The following HDAC9 variants were observed in gnomAD, a reference collection of about 807,000 sequenced individuals.
The protein encoded by HDAC9 is MEF-2 interacting transcription repressor (MITR) protein.
A neutral mutation model predicts 139.4 loss-of-function variants in HDAC9; 41 were observed. The ratio of observed to expected loss-of-function variants is 0.29; its 90% CI spans 0.23 to 0.38. The LOEUF is 0.38. Ranked by LOEUF, HDAC9 falls within the 10% of genes least tolerant of loss-of-function variation. The probability of loss-of-function intolerance (pLI) is 1.00; values close to 1 mark genes in which losing one functional copy is unlikely to be tolerated. For missense variants in HDAC9, 1,147 were observed against 1,297.0 expected (o/e 0.88, Z 1.78); for synonymous variants, 517 against 476.2 (o/e 1.09, Z -1.12).
intron 12 of HDAC9, among the ~76,000 whole-genome samples, chr7:18,725,353 A>T (rs1201653903): frequency 1.3e-5 from 2 of 152,194 alleles, no homozygotes; most frequent in Non-Finnish European, 2.9e-5. Flanking sequence ...TCTGATATTC[A>T]GTAGATAGTA....
intron 1 of HDAC9, among the ~76,000 whole-genome samples, chr7:18,142,360 C>A (rs928236143): frequency 2.0e-5 from 3 of 152,156 alleles, no homozygotes; most frequent in African/African-American, 7.2e-5. Flanking sequence ...CCTCACTTCT[C>A]CTGCTCATCC....
chr7:18,980,716 T>TCTTCTTCTTC (rs1463666104), intron 25 of HDAC9, among the ~76,000 whole-genome samples: 6 of 75,166 alleles, frequency 8.0e-5, no homozygotes, highest in East Asian at 3.9e-4. Context: ...TCCTTCTTCC[T>TCTTCTTCTTC]CTTCTTCTTC....
At position 18,339,255 on chromosome 7, in the gene HDAC9, A is replaced by G. The variant is rs184104450; in HGVS notation, c.-42+48740A>G. On this transcript the variant is annotated intron_variant, in intron 1 of 3. Coordinates refer to the HDAC9 transcript ENST00000413509. ...TTTCTCTATTGTTTTTCTACTTTCT[A>G]TTTTACTGATTTCCACTCTGATCTT... Among the ~76,000 whole-genome samples, 16 of 150,588 alleles carry G rather than the reference A, an allele frequency of 1.1e-4. No individual in the cohort carries two copies. The East Asian group carries it at 2.9e-3, about 28-fold the overall frequency.
intron 25 of HDAC9, among the ~76,000 whole-genome samples, chr7:18,977,594 A>G (rs1180410866): frequency 6.6e-6 from 1 of 152,150 alleles, no homozygotes; most frequent in African/African-American, 2.4e-5. Context: ...ATGGTAGTCT[A>G]TAGAGATTTA....
intron 12 of HDAC9, among the ~76,000 whole-genome samples, chr7:18,717,056 C>G (rs1784755779): frequency 7.0e-6 from 1 of 143,614 alleles, no homozygotes; most frequent in African/African-American, 2.6e-5. Flanking sequence ...GGCAAAAACT[C>G]CTGTTTAAAA....
Position 18,257,434 on chromosome 7 carries a change from CACAA to C in HDAC9, c.25+95087_25+95090del, listed in dbSNP as rs374784072. ...ACACACACACACACACACACACACA[CACAA>C]AAAGAAAAAAAGAAAAAGTAGCATA... is the stretch of plus-strand genomic sequence containing the variant. On this transcript the variant is annotated intron_variant, in intron 2 of 12. Coordinates refer to the HDAC9 transcript ENST00000417496. Among the ~76,000 whole-genome samples the C allele has an allele frequency of 3.3e-3, 493 of 148,222 alleles. 5 individuals are homozygous for C. The highest frequency in any genetic ancestry group is 0.024 in the East Asian group (116 of 4,926).
chr7:18,656,013 TG>T (rs1791009981), intron 11 of HDAC9, among the ~76,000 whole-genome samples: 1 of 151,950 alleles, frequency 6.6e-6, no homozygotes, highest in African/African-American at 2.4e-5. Context: ...TTAAGTGATT[TG>T]TAGACATGAA....
intron 1 of HDAC9, among the ~76,000 whole-genome samples, chr7:18,310,995 T>C (rs1255815873): frequency 6.6e-6 from 1 of 152,148 alleles, no homozygotes; most frequent in African/African-American, 2.4e-5. Context: ...TTTAATATCA[T>C]TAATTAAATT....
intron 1 of HDAC9, among the ~76,000 whole-genome samples, chr7:18,376,480 G>A (rs1785002588): frequency 6.6e-6 from 1 of 152,088 alleles, no homozygotes; most frequent in Admixed American, 6.6e-5. Flanking sequence ...AGGACTTCTG[G>A]CACTCTAAGT....
chr7:18,863,064 G>T (rs1445958652), intron 21 of HDAC9, among the ~76,000 whole-genome samples: 1 of 152,144 alleles, frequency 6.6e-6, no homozygotes, highest in Non-Finnish European at 1.5e-5. Flanking sequence ...GAACCAGCTG[G>T]ACAAGAGAGG....
intron 1 of HDAC9, among the ~76,000 whole-genome samples, chr7:18,447,864 T>G (rs926500108): frequency 1.3e-5 from 2 of 152,132 alleles, no homozygotes; most frequent in African/African-American, 4.8e-5. Context: ...AGTGGTTAAA[T>G]CATAGAGGAC....
At chr7:18,533,242 A>T (rs144004954) in intron 2 of HDAC9, among the ~76,000 whole-genome samples, 1 of 151,784 alleles carries the variant, frequency 6.6e-6, no homozygotes, top group Non-Finnish European at 1.5e-5. Flanking sequence ...CTTCAACTCT[A>T]TTTTCTCCGG....
intron 14 of HDAC9, among the ~76,000 whole-genome samples, chr7:18,757,623 G>T (rs1192783971): frequency 6.6e-6 from 1 of 152,156 alleles, no homozygotes; most frequent in Non-Finnish European, 1.5e-5. Flanking sequence ...AATGAGAACT[G>T]ATTAGGACAC....
intron 1 of HDAC9, among the ~76,000 whole-genome samples, chr7:18,156,760 C>T (rs1474966513): frequency 1.3e-5 from 2 of 152,178 alleles, no homozygotes; most frequent in African/African-American, 4.8e-5. Flanking sequence ...ACAGTGGAAA[C>T]AGAGATGAGA....
At chr7:18,579,971 C>G (rs1322824331) in intron 2 of HDAC9, among the ~76,000 whole-genome samples, 3 of 152,114 alleles carry the variant, frequency 2.0e-5, no homozygotes, top group Non-Finnish European at 4.4e-5. Context: ...CTTAAGGCAG[C>G]TGATAAAGTA....
At chr7:18,172,582 G>T (rs188631002) in intron 2 of HDAC9, among the ~76,000 whole-genome samples, 3 of 152,240 alleles carry the variant, frequency 2.0e-5, no homozygotes, top group Admixed American at 6.5e-5. Flanking sequence ...TCTTTTGTGG[G>T]CATTTAGTGT....
At chr7:18,436,325 C>G (rs887888228) in intron 1 of HDAC9, among the ~76,000 whole-genome samples, 4 of 152,076 alleles carry the variant, frequency 2.6e-5, no homozygotes, top group African/African-American at 9.7e-5. Flanking sequence ...AAGGTTTAGG[C>G]AGTAATCTTA....
intron 17 of HDAC9, among the ~76,000 whole-genome samples, chr7:18,826,648 C>CT (rs547478526): frequency 0.021 from 2,571 of 121,968 alleles, 34 homozygotes; most frequent in African/African-American, 0.038. Flanking sequence ...GAATTCAAGT[C>CT]TTTTTTTTTT....
In HDAC9 at chr7:18,226,179, A is replaced by T. The variant is rs183606056; in HGVS notation, c.25+63830A>T. On this transcript the variant is annotated intron_variant, in intron 2 of 12. Transcript: ENST00000417496. ...TGAATGTTTTGTGGAATTGTTCTTT[A>T]AACTAACCCAAAATACCACCTTTAG... Among the ~76,000 whole-genome samples the T allele has an allele frequency of 3.5e-4, 53 of 152,322 alleles. No homozygotes were observed. In the East Asian group the frequency reaches 8.5e-3, roughly 24 times the overall value.
Sources: gnomAD v4.1 joint callset for allele counts (sites outside exome capture counted in the v4.1 genomes callset) on GRCh38, gnomAD v4.1.1 for gene constraint, MANE v1.5 for transcripts, NCBI Gene and HGNC (gene_info 2026-07-23, HGNC 2026-07-21) for gene names.